Variants in TMEM178B observed in about 807,000 individuals in gnomAD.
The protein encoded by TMEM178B is transmembrane protein 178B.
In TMEM178B, 5 loss-of-function variants were observed where a neutral mutation model predicts 31.0. That is an observed-to-expected ratio of 0.16 (90% CI 0.08 to 0.34). The LOEUF (loss-of-function observed/expected upper bound fraction) is 0.34. TMEM178B is among the 10% of genes least tolerant of loss of function. The probability of loss-of-function intolerance (pLI) is 1.00; values close to 1 mark genes in which losing one functional copy is unlikely to be tolerated. For missense variants in TMEM178B, 275 were observed against 400.3 expected (o/e 0.69, Z 2.67); for synonymous variants, 164 against 164.0 (o/e 1.00, Z 0.00).
At chr7:141,124,728 C>A (rs903006626) in intron 1 of TMEM178B, among the ~76,000 whole-genome samples, 6 of 152,118 alleles carry the variant, frequency 3.9e-5, no homozygotes, top group African/African-American at 1.4e-4. Flanking sequence ...TCTAAGCATG[C>A]ATTGTAAATG....
At chr7:141,420,841 C>G (rs1248093111) in intron 2 of TMEM178B, among the ~76,000 whole-genome samples, 1 of 152,180 alleles carries the variant, frequency 6.6e-6, no homozygotes, top group African/African-American at 2.4e-5. Flanking sequence ...TTTGCTCCAT[C>G]TCTTGAGATA....
chr7:141,274,926 G>A (rs1021754564), intron 2 of TMEM178B, among the ~76,000 whole-genome samples: 3 of 152,144 alleles, frequency 2.0e-5, no homozygotes, highest in South Asian at 2.1e-4. Context: ...GGAACCAAAC[G>A]AGTGAAGTCC....
intron 1 of TMEM178B, among the ~76,000 whole-genome samples, chr7:141,138,063 A>ATT (rs202146160): frequency 0.047 from 6,675 of 141,308 alleles, 530 homozygotes; most frequent in African/African-American, 0.16. Flanking sequence ...TTAAAATTCA[A>ATT]TTTTTTTTTT....
chr7:141,227,450 A>G (rs996455506), intron 2 of TMEM178B, among the ~76,000 whole-genome samples: 1 of 152,190 alleles, frequency 6.6e-6, no homozygotes, highest in African/African-American at 2.4e-5. Flanking sequence ...AGTGCCTGAC[A>G]TACCTTATTC....
At chr7:141,327,252 A>G (rs896982214) in intron 2 of TMEM178B, among the ~76,000 whole-genome samples, 8 of 152,226 alleles carry the variant, frequency 5.3e-5, no homozygotes, top group Admixed American at 3.3e-4. Flanking sequence ...TGCCAGAGGA[A>G]AATGTCAAAT....
At chr7:141,360,574 G>A (rs561178695) in intron 2 of TMEM178B, among the ~76,000 whole-genome samples, 44 of 152,176 alleles carry the variant, frequency 2.9e-4, no homozygotes, top group Non-Finnish European at 5.3e-4. Context: ...CAAGTATGAC[G>A]GAGTGGTCAA....
At chr7:141,423,624 C>G (rs1446598917) in intron 2 of TMEM178B, among the ~76,000 whole-genome samples, 1 of 152,080 alleles carries the variant, frequency 6.6e-6, no homozygotes, top group Non-Finnish European at 1.5e-5. Flanking sequence ...ACAACGCTTT[C>G]CAACCAGGAT....
intron 1 of TMEM178B, among the ~76,000 whole-genome samples, chr7:141,189,770 T>A (rs1796667992): frequency 6.6e-6 from 1 of 151,990 alleles, no homozygotes; most frequent in African/African-American, 2.4e-5. Context: ...TGCCTTGGAG[T>A]TTAGAGAGGG....
At chr7:141,184,443 G>T (rs1217012265) in intron 1 of TMEM178B, among the ~76,000 whole-genome samples, 1 of 152,034 alleles carries the variant, frequency 6.6e-6, no homozygotes, top group Non-Finnish European at 1.5e-5. Flanking sequence ...TACCTGGAGG[G>T]CTCTGACATT....
intron 1 of TMEM178B, among the ~76,000 whole-genome samples, chr7:141,158,157 G>A (rs4726347): frequency 0.66 from 100,626 of 152,010 alleles, 33,637 homozygotes; most frequent in Middle Eastern, 0.72. Flanking sequence ...GTGCAGTGGC[G>A]CAATCTCGGC....
At chr7:141,452,912 G>A (rs182934832) in intron 3 of TMEM178B, among the ~76,000 whole-genome samples, 72 of 152,270 alleles carry the variant, frequency 4.7e-4, no homozygotes, top group African/African-American at 1.7e-3. Flanking sequence ...TCCCCAGCCT[G>A]GGGTTGAATG....
intron 1 of TMEM178B, among the ~76,000 whole-genome samples, chr7:141,091,973 C>G (rs940618770): frequency 1.3e-5 from 2 of 152,150 alleles, no homozygotes; most frequent in African/African-American, 4.8e-5. Flanking sequence ...AGTGATCCAC[C>G]CACCTCAGCC....
chr7:141,434,070 T>C (rs1801488201), intron 2 of TMEM178B, among the ~76,000 whole-genome samples: 1 of 152,242 alleles, frequency 6.6e-6, no homozygotes, highest in African/African-American at 2.4e-5. Context: ...AATTATTGTC[T>C]TCATTTTGCT....
At chr7:141,290,364 CACTT>C (rs1339442585) in intron 2 of TMEM178B, among the ~76,000 whole-genome samples, 1 of 152,210 alleles carries the variant, frequency 6.6e-6, no homozygotes, top group African/African-American at 2.4e-5. Context: ...GGCTTACTAA[CACTT>C]AAAAGACATT....
At chr7:141,241,031 T>C (rs1375197429) in intron 2 of TMEM178B, among the ~76,000 whole-genome samples, 1 of 151,070 alleles carries the variant, frequency 6.6e-6, no homozygotes, top group Non-Finnish European at 1.5e-5. Context: ...TCATAGCTTT[T>C]GGGGTACAAG....
chr7:141,372,670 C>T (rs1477051509), intron 2 of TMEM178B, among the ~76,000 whole-genome samples: 2 of 152,084 alleles, frequency 1.3e-5, no homozygotes, highest in Non-Finnish European at 2.9e-5. Flanking sequence ...TGTCTATGTT[C>T]CCATATAGAA....
chr7:141,194,242 T>G (rs1796743756), intron 1 of TMEM178B, among the ~76,000 whole-genome samples: 1 of 152,134 alleles, frequency 6.6e-6, no homozygotes, highest in Non-Finnish European at 1.5e-5. Context: ...ATTTCAGCAA[T>G]TACCCAAAAG....
intron 1 of TMEM178B, among the ~76,000 whole-genome samples, chr7:141,169,293 G>A (rs1421164900): frequency 6.6e-6 from 1 of 152,194 alleles, no homozygotes; most frequent in Non-Finnish European, 1.5e-5. Context: ...AGAACATGTG[G>A]TATTTGGTTT....
intron 1 of TMEM178B, among the ~76,000 whole-genome samples, chr7:141,155,252 A>G (rs1461548280): frequency 2.6e-5 from 4 of 152,192 alleles, no homozygotes; most frequent in Admixed American, 2.0e-4. Context: ...CATTAGGCAC[A>G]TGTGAGTCGG....
Sources: gnomAD v4.1 joint callset for allele counts (sites outside exome capture counted in the v4.1 genomes callset) on GRCh38, gnomAD v4.1.1 for gene constraint, MANE v1.5 for transcripts, NCBI Gene and HGNC (gene_info 2026-07-23, HGNC 2026-07-21) for gene names.